The following ERC2 variants were observed in gnomAD, a reference collection of about 807,000 sequenced individuals.
The protein encoded by ERC2 is ERC protein 2.
Under a neutral mutation model 114.8 loss-of-function variants are expected in ERC2, and 42 were observed. The observed-to-expected ratio is 0.37, with a 90% CI of 0.29 to 0.47. The LOEUF (loss-of-function observed/expected upper bound fraction) is 0.47. Ranked by LOEUF, ERC2 falls within the 20% of genes least tolerant of loss-of-function variation. The pLI, the probability that ERC2 is intolerant of heterozygous loss-of-function variation, is 0.99. For synonymous variants in ERC2, 454 were observed against 425.5 expected, an observed-to-expected ratio of 1.07 and a Z score of -0.82; for missense variants, 939 against 1,150.7, an observed-to-expected ratio of 0.82 and a Z score of 2.66.
chr3:55,820,566 A>T (rs1386776006), intron 14 of ERC2, among the ~76,000 whole-genome samples: 1 of 152,160 alleles, frequency 6.6e-6, no homozygotes, highest in Non-Finnish European at 1.5e-5. Context: ...TATTCAACCG[A>T]TGCTCTTAAC....
Position 55,660,857 on chromosome 3 carries a change from A to G in ERC2, c.*39+22937T>C, listed in dbSNP as rs2061100156. 3.9e-5 allele frequency among the ~76,000 whole-genome samples: 6 copies of G among 152,234 alleles called. No individual in the cohort carries two copies. The South Asian group carries it at 8.3e-4, about 21-fold the overall frequency. ...GTCCCTCACCTATAAAACAGGGATA[A>G]TAACAATAAAAGCATAAATCCTTGT... On this transcript the variant is annotated intron_variant, in intron 17 of 17. Transcript: ENST00000288221.
chr3:55,707,072 G>A (rs766996693), intron 15 of ERC2, among the ~76,000 whole-genome samples: 7 of 152,178 alleles, frequency 4.6e-5, no homozygotes, highest in Non-Finnish European at 8.8e-5. Flanking sequence ...TGCTCCTATT[G>A]CATATTTTGT....
intron 4 of ERC2, among the ~76,000 whole-genome samples, chr3:56,151,744 A>G (rs1179702511): frequency 2.0e-5 from 3 of 152,226 alleles, no homozygotes; most frequent in Non-Finnish European, 4.4e-5. Context: ...GGAAGTCCAT[A>G]TCAAGTCCTG....
intron 12 of ERC2, among the ~76,000 whole-genome samples, chr3:55,958,185 C>T (rs116209857): frequency 0.018 from 2,767 of 152,290 alleles, 55 homozygotes; most frequent in Non-Finnish European, 0.028. Context: ...GAGTGTTCAG[C>T]TCTCAGCAGG....
At chr3:55,965,902 G>A (rs182442503) in intron 12 of ERC2, among the ~76,000 whole-genome samples, 10 of 152,248 alleles carry the variant, frequency 6.6e-5, no homozygotes, top group East Asian at 5.8e-4. Context: ...CAGAATTATC[G>A]GCAAAGAGGG....
chr3:56,224,511 T>C (rs532903009), intron 3 of ERC2, among the ~76,000 whole-genome samples: 13 of 152,206 alleles, frequency 8.5e-5, no homozygotes, highest in African/African-American at 3.1e-4. Context: ...ACTTGTTTAT[T>C]ATTGTAAGGG....
intron 3 of ERC2, among the ~76,000 whole-genome samples, chr3:56,209,118 T>G (rs2150117548): frequency 6.6e-6 from 1 of 152,298 alleles, no homozygotes; most frequent in Non-Finnish European, 1.5e-5. Flanking sequence ...GAGGCCTTTT[T>G]GCCACTCTGC....
intron 14 of ERC2, among the ~76,000 whole-genome samples, chr3:55,839,468 C>A (rs2149211671): frequency 6.6e-6 from 1 of 151,578 alleles, no homozygotes; most frequent in Admixed American, 6.6e-5. Flanking sequence ...TTCTAATTAG[C>A]CATTTAAAAC....
intron 7 of ERC2, among the ~76,000 whole-genome samples, chr3:56,073,073 C>T (rs2076815933): frequency 2.0e-5 from 3 of 152,176 alleles, no homozygotes; most frequent in Non-Finnish European, 4.4e-5. Context: ...CATGTGCACA[C>T]ACACAAACAT....
intron 3 of ERC2, among the ~76,000 whole-genome samples, chr3:56,285,456 A>G (rs866513327): frequency 6.6e-6 from 1 of 151,998 alleles, no homozygotes; most frequent in Non-Finnish European, 1.5e-5. Flanking sequence ...ACCTTGCCCA[A>G]TCGTCAACCT....
intron 14 of ERC2, among the ~76,000 whole-genome samples, chr3:55,838,672 A>C (rs553599690): frequency 1.3e-5 from 2 of 152,038 alleles, no homozygotes; most frequent in East Asian, 3.9e-4. Flanking sequence ...TTCTTTGAAA[A>C]GATCACTTAA....
chr3:55,525,041 A>G (rs112389807), intron 17 of ERC2, among the ~76,000 whole-genome samples: 2,255 of 152,286 alleles, frequency 0.015, 47 homozygotes, highest in African/African-American at 0.052. Context: ...CTCCTCCAGG[A>G]ACTACCCTCA....
At chr3:56,411,974 C>A (rs149046163) in intron 2 of ERC2, among the ~76,000 whole-genome samples, 2,115 of 152,300 alleles carry the variant, frequency 0.014, 16 homozygotes, top group Non-Finnish European at 0.022. Flanking sequence ...AGGCCTAACT[C>A]CCTGAACCTT....
intron 14 of ERC2, among the ~76,000 whole-genome samples, chr3:55,875,632 C>G (rs551705236): frequency 6.6e-6 from 1 of 151,998 alleles, no homozygotes; most frequent in East Asian, 1.9e-4. Flanking sequence ...CTTAACACAC[C>G]TCATTCCCCA....
intron 15 of ERC2, among the ~76,000 whole-genome samples, chr3:55,711,656 G>A (rs2063785401): frequency 6.6e-6 from 1 of 152,172 alleles, no homozygotes; most frequent in Non-Finnish European, 1.5e-5. Context: ...AGCACTGCCT[G>A]GCACATATGG....
chr3:56,204,014 T>A (rs143178658), intron 3 of ERC2, among the ~76,000 whole-genome samples: 1 of 152,098 alleles, frequency 6.6e-6, no homozygotes, highest in Non-Finnish European at 1.5e-5. Context: ...ACCCCGTCTC[T>A]ACTAAAAATA....
At chr3:56,326,586 T>C (rs572475483) in intron 2 of ERC2, among the ~76,000 whole-genome samples, 158 of 152,342 alleles carry the variant, frequency 1.0e-3, no homozygotes, top group African/African-American at 3.7e-3. Context: ...GTTGGGATAG[T>C]TCCAGATTCC....
intron 3 of ERC2, among the ~76,000 whole-genome samples, chr3:56,187,555 A>G (rs1055483680): frequency 9.2e-5 from 14 of 152,196 alleles, no homozygotes; most frequent in African/African-American, 3.1e-4. Context: ...TCCACACACT[A>G]AAATTAATTA....
chr3:56,441,494 ATAAT>A (rs1301338440), intron 1 of ERC2, among the ~76,000 whole-genome samples: 3 of 152,246 alleles, frequency 2.0e-5, no homozygotes, highest in Admixed American at 6.5e-5. Context: ...TGGAAATATC[ATAAT>A]TAATATTGTG....
Sources: allele counts gnomAD v4.1 joint callset (sites outside exome capture counted in the v4.1 genomes callset), GRCh38; gene constraint gnomAD v4.1.1; transcripts MANE v1.5; gene names NCBI Gene and HGNC (gene_info 2026-07-23, HGNC 2026-07-21).